Variants in RBFOX2 observed in about 807,000 individuals in gnomAD.
The protein encoded by RBFOX2 is RNA binding protein fox-1 homolog 2.
Under a neutral mutation model 49.1 loss-of-function variants are expected in RBFOX2, and 10 were observed. The ratio of observed to expected loss-of-function variants is 0.20; its 90% CI spans 0.13 to 0.35. The LOEUF is 0.35. Ranked by LOEUF, RBFOX2 falls within the 10% of genes least tolerant of loss-of-function variation. The probability of loss-of-function intolerance (pLI) is 1.00; values close to 1 mark genes in which losing one functional copy is unlikely to be tolerated. For missense variants in RBFOX2, 323 were observed against 486.9 expected, an observed-to-expected ratio of 0.66 and a Z score of 3.17; for synonymous variants, 183 against 187.4, an observed-to-expected ratio of 0.98 and a Z score of 0.19.
chr22:35,746,266 C>G (rs1032331377), intron 10 of RBFOX2, among the ~76,000 whole-genome samples: 26 of 152,084 alleles, frequency 1.7e-4, no homozygotes, highest in African/African-American at 6.3e-4. Flanking sequence ...GAGATGAGAA[C>G]AAGAAAGAGG....
chr22:35,843,344 C>T (rs895121211), upstream of RBFOX2, among the ~76,000 whole-genome samples: 1 of 152,260 alleles, frequency 6.6e-6, no homozygotes, highest in African/African-American at 2.4e-5. Context: ...GACAAATCCC[C>T]AGCTTTCAGG....
upstream of RBFOX2, among the ~76,000 whole-genome samples, chr22:35,963,466 A>G (rs919837346): frequency 2.0e-5 from 3 of 152,200 alleles, no homozygotes; most frequent in African/African-American, 7.2e-5. Context: ...AGCACTAATA[A>G]TTATTAAGTA....
rs544105628 is a variant in RBFOX2 at position 35,815,430 on chromosome 22, A to T, written c.28-5426T>A. Among the ~76,000 whole-genome samples the T allele has an allele frequency of 7.9e-5, 12 of 152,324 alleles. No homozygotes were observed. In the South Asian group the frequency reaches 2.1e-3, roughly 26 times the overall value. ...GTCTTCATATTTCTAGGATAACTAAAGTCTATGTAATCTTTGAGAGAGAAG... is the reference window on the plus strand; with the variant it reads ...GTCTTCATATTTCTAGGATAACTAATGTCTATGTAATCTTTGAGAGAGAAG... On this transcript the variant is annotated intron_variant, in intron 1 of 11. Coordinates refer to ENST00000405409, the Ensembl canonical transcript of RBFOX2.
At chr22:35,879,753 G>T (rs2045629462) in intron 1 of RBFOX2, among the ~76,000 whole-genome samples, 1 of 152,324 alleles carries the variant, frequency 6.6e-6, no homozygotes, top group South Asian at 2.1e-4. Context: ...CAGATGTTGT[G>T]ATTAGAATAA....
intron 1 of RBFOX2, among the ~76,000 whole-genome samples, chr22:35,904,393 C>T (rs539678292): frequency 1.5e-4 from 23 of 152,228 alleles, no homozygotes; most frequent in African/African-American, 3.6e-4. Context: ...TACTATGAAA[C>T]GCTTTATCCT....
intron 1 of RBFOX2, chr22:35,993,214 A>T (rs1205667667): frequency 6.6e-6 from 1 of 152,230 alleles, no homozygotes; most frequent in Non-Finnish European, 1.5e-5. Flanking sequence ...CAGAGTTTGC[A>T]TCATCAAAAT....
At chr22:35,874,023 T>A (rs2044696352) in intron 1 of RBFOX2, among the ~76,000 whole-genome samples, 1 of 152,184 alleles carries the variant, frequency 6.6e-6, no homozygotes, top group South Asian at 2.1e-4. Context: ...TTGGAAGGGA[T>A]AGCACAAGGT....
At chr22:36,001,677 G>A (rs953357783) in intron 1 of RBFOX2, among the ~76,000 whole-genome samples, 5 of 152,082 alleles carry the variant, frequency 3.3e-5, no homozygotes, top group Admixed American at 6.6e-5. Flanking sequence ...CAGGAGGATG[G>A]CTTGAGTCCA....
intron 1 of RBFOX2, among the ~76,000 whole-genome samples, chr22:35,893,529 G>A (rs1318049548): frequency 6.6e-6 from 1 of 152,140 alleles, no homozygotes; most frequent in Non-Finnish European, 1.5e-5. Flanking sequence ...CCACCCACAA[G>A]GCTGCAAAGA....
At chr22:35,997,979 G>A (rs2058259718) in intron 1 of RBFOX2, 1 of 152,160 alleles carries the variant, frequency 6.6e-6, no homozygotes, top group Non-Finnish European at 1.5e-5. Context: ...TCCAGACTGG[G>A]TGACAGAGTG....
intron 1 of RBFOX2, chr22:35,898,112 C>T (rs2048095611): frequency 1.3e-6 from 1 of 741,350 alleles, no homozygotes; most frequent in African/African-American, 1.7e-5. Context: ...CCCAGGTCTC[C>T]CATGGGACGA....
intron 1 of RBFOX2, among the ~76,000 whole-genome samples, chr22:35,867,077 TGCACACACAC>T (rs2043777157): frequency 6.7e-6 from 1 of 148,332 alleles, no homozygotes; most frequent in Non-Finnish European, 1.5e-5. Flanking sequence ...TGCACACACA[TGCACACACAC>T]ACACACTTAA....
intron 6 of RBFOX2, among the ~76,000 whole-genome samples, chr22:35,762,330 A>G (rs1939185252): frequency 6.6e-6 from 1 of 152,154 alleles, no homozygotes; most frequent in Admixed American, 6.6e-5. Context: ...GAATAAAAGT[A>G]GAATTCCACA....
intron 1 of RBFOX2, among the ~76,000 whole-genome samples, chr22:35,957,547 T>C (rs143282034): frequency 6.6e-6 from 1 of 152,216 alleles, no homozygotes; most frequent in Non-Finnish European, 1.5e-5. Flanking sequence ...ACAGAGCTAG[T>C]CTAAGAAGCA....
intron 2 of RBFOX2, among the ~76,000 whole-genome samples, chr22:35,783,789 T>C (rs1945765767): frequency 6.6e-6 from 1 of 152,166 alleles, no homozygotes; most frequent in South Asian, 2.1e-4. Flanking sequence ...CCTGGAACTT[T>C]CAAGGACGGC....
intron 1 of RBFOX2, among the ~76,000 whole-genome samples, chr22:35,899,690 TAA>T (rs1463159889): frequency 2.6e-5 from 4 of 151,984 alleles, no homozygotes; most frequent in African/African-American, 9.7e-5. Flanking sequence ...CAATTCACAT[TAA>T]GAGACAAAAA....
At chr22:35,850,180 T>C (rs1460844717) in intron 1 of RBFOX2, among the ~76,000 whole-genome samples, 1 of 137,142 alleles carries the variant, frequency 7.3e-6, no homozygotes, top group African/African-American at 2.8e-5. Context: ...GCGCATTCTC[T>C]GTCTCTCTCT....
chr22:35,955,819 G>A (rs1300905392), intron 1 of RBFOX2, among the ~76,000 whole-genome samples: 11 of 152,124 alleles, frequency 7.2e-5, no homozygotes, highest in Admixed American at 7.2e-4. Flanking sequence ...ATGGAGGATG[G>A]CTGGATTCTC....
At chr22:35,837,867 T>C (rs1040186640) in intron 1 of RBFOX2, among the ~76,000 whole-genome samples, 2 of 152,332 alleles carry the variant, frequency 1.3e-5, no homozygotes, top group East Asian at 1.9e-4. Context: ...CCTAAACTTA[T>C]GGCTTCTTTA....
Sources: allele counts gnomAD v4.1 joint callset (sites outside exome capture counted in the v4.1 genomes callset), GRCh38; gene constraint gnomAD v4.1.1; transcripts MANE v1.5; gene names NCBI Gene and HGNC (gene_info 2026-07-23, HGNC 2026-07-21).